The following ABHD18 variants were observed in gnomAD, a reference collection of about 807,000 sequenced individuals.
ABHD18 encodes the protein abhydrolase domain containing 18.
ABHD18 carries 55 observed loss-of-function variants against 65.9 expected under a neutral mutation model. The observed-to-expected ratio is 0.84, with a 90% CI of 0.67 to 1.05. The LOEUF (loss-of-function observed/expected upper bound fraction) is 1.05, where lower values mean the gene tolerates loss of function less well. Ranked by LOEUF, ABHD18 falls within the 50% of genes least tolerant of loss-of-function variation. The pLI is 0.00. For synonymous variants in ABHD18, 181 were observed against 180.2 expected, an observed-to-expected ratio of 1.00 and a Z score of -0.04; for missense variants, 533 against 558.5, an observed-to-expected ratio of 0.95 and a Z score of 0.46.
In ABHD18 at chr4:127,989,805, G is replaced by A. The variant is rs1015238270; in HGVS notation, c.262G>A (p.Glu88Lys). 1 of 1,584,866 alleles carries A rather than the reference G, an allele frequency of 6.3e-7. No individual in the cohort carries two copies. Among genetic ancestry groups the A allele is most frequent in the East Asian group, 2.3e-5 (1 of 44,400 alleles). ...AHYVPDIMPIESVIARFQFIV... is the reference protein window; with the variant it reads ...AHYVPDIMPIKSVIARFQFIV... ...CTATGTGCCTGATATCATGCCAATT[G>A]AATCTGTTATTGCAAGGTAAGAATT... Residue 88 changes from glutamate to lysine, a missense_variant, in exon 4 of 13, where the codon GAA becomes AAA. This residue lies in a region of ABHD18 where 309 missense variants were observed against 313.5 expected (regional missense o/e 0.99). Transcript: ENST00000645843.
chr4:127,974,868 C>T (rs1444988122), intron 1 of ABHD18, among the ~76,000 whole-genome samples: 4 of 151,668 alleles, frequency 2.6e-5, no homozygotes, highest in Admixed American at 6.6e-5. Flanking sequence ...TGGTGGTTGT[C>T]GCCTGTAATC....
intron 4 of ABHD18, among the ~76,000 whole-genome samples, chr4:127,992,661 C>T (rs1210660541): frequency 6.6e-6 from 1 of 152,062 alleles, no homozygotes; most frequent in African/African-American, 2.4e-5. Context: ...ACCTCAGCCT[C>T]CTGAGTAGTT....
rs1156788634 is a variant in ABHD18 at position 127,971,482 on chromosome 4, CTTTTTTTTTTT to C, written c.-18+5894_-18+5904del. On this transcript the variant is annotated intron_variant, in intron 1 of 12. Transcript: ENST00000645843. ...ACTCTCTGAATATGTCCAGAGTTGG[CTTTTTTTTTTT>C]TTTTTTTTTTTTTTTTTGAGACGAT... Among the ~76,000 whole-genome samples, 94 of 51,932 alleles carry C rather than the reference CTTTTTTTTTTT, an allele frequency of 1.8e-3. 1 individual carries two copies. The highest frequency in any genetic ancestry group is 6.1e-3 in the African/African-American group (82 of 13,346). 34.1% of individuals were successfully genotyped at this position (51,932 alleles called of 152,430 possible). A position where few individuals can be genotyped will look rare whatever the true frequency, so the allele number is the denominator to read the frequency against.
At chr4:127,996,423 T>C (rs1199077462) in intron 4 of ABHD18, among the ~76,000 whole-genome samples, 1 of 150,004 alleles carries the variant, frequency 6.7e-6, no homozygotes, top group Non-Finnish European at 1.5e-5. Flanking sequence ...ATCAGCAAGT[T>C]TTTATTAGGG....
chr4:127,982,917 C>A, intron 1 of ABHD18, 22 bp from the exon 2 acceptor site: 2 of 1,253,462 alleles, frequency 1.6e-6, no homozygotes, highest in East Asian at 2.7e-5. Flanking sequence ...ATTTTAAAGC[C>A]ATTTTAAATT....
At position 127,974,203 on chromosome 4, in the gene ABHD18, T is replaced by G. The variant is rs560012953; in HGVS notation, c.-18+8597T>G. On this transcript the variant is annotated intron_variant, in intron 1 of 12. Coordinates refer to ENST00000645843, the MANE Select transcript of ABHD18 (RefSeq NM_001358451.3). ...CTTAAGTTCTGTTTTTTTTTTTTTTTTTTTTTTTTTTTGAGACAGAGTCTT... is the reference window on the plus strand; with the variant it reads ...CTTAAGTTCTGTTTTTTTTTTTTTTGTTTTTTTTTTTTGAGACAGAGTCTT... Among the ~76,000 whole-genome samples the G allele has an allele frequency of 5.5e-4, 80 of 145,306 alleles. 1 individual carries two copies. In the South Asian group the frequency reaches 0.012, roughly 22 times the overall value.
chr4:127,989,489 T>A (rs1750557895), intron 3 of ABHD18, among the ~76,000 whole-genome samples: 1 of 152,206 alleles, frequency 6.6e-6, no homozygotes, highest in Non-Finnish European at 1.5e-5. Flanking sequence ...TACCCTGATT[T>A]GATCATTACA....
chr4:128,021,070 A>G, intron 9 of ABHD18, 67 bp from the exon 10 acceptor site: 2 of 962,220 alleles, frequency 2.1e-6, no homozygotes, highest in Non-Finnish European at 3.1e-6. Flanking sequence ...ACACAGTAAT[A>G]ATAATAAAAG....
At position 128,037,314 on chromosome 4, in the gene ABHD18, A is replaced by C. The variant is rs565575044; in HGVS notation, c.*1501A>C. ...CTGTCTCAAAACAAAACAAAATGCC[A>C]AACTTATTTCTCCCTACTAAAAAGT... On this transcript the variant is annotated 3_prime_UTR_variant, in exon 13 of 13. Transcript: ENST00000645843. 6.6e-6 allele frequency: 1 copy of C among 152,298 alleles called. No homozygotes were observed. The highest frequency in any genetic ancestry group is 2.1e-4 in the South Asian group (1 of 4,822). The allele number at this position is 152,298 out of a possible 1,614,324, so 9.4% of individuals were successfully genotyped here.
chr4:128,002,528 C>T (rs1158417759), intron 4 of ABHD18, among the ~76,000 whole-genome samples: 1 of 151,400 alleles, frequency 6.6e-6, no homozygotes, highest in Admixed American at 6.6e-5. Flanking sequence ...GATCTCCCTG[C>T]CTTGGCCTCC....
intron 3 of ABHD18, among the ~76,000 whole-genome samples, chr4:127,986,418 T>A (rs1579202844): frequency 1.3e-5 from 2 of 152,258 alleles, no homozygotes; most frequent in East Asian, 3.8e-4. Flanking sequence ...TATAGCTAAA[T>A]AATATTCTAT....
At chr4:128,016,351 G>A (rs1755492458) in intron 7 of ABHD18, among the ~76,000 whole-genome samples, 1 of 152,014 alleles carries the variant, frequency 6.6e-6, no homozygotes, top group African/African-American at 2.4e-5. Flanking sequence ...TTATAAAAAT[G>A]TATTTGTTTT....
chr4:127,984,480 A>G, intron 3 of ABHD18, 57 bp downstream of exon 3: 2 of 977,024 alleles, frequency 2.0e-6, no homozygotes, highest in South Asian at 3.4e-5. Context: ...AAATATGTCT[A>G]AGAATAGATT....
chr4:127,966,897 A>C (rs1466946570), intron 1 of ABHD18, among the ~76,000 whole-genome samples: 4 of 151,120 alleles, frequency 2.6e-5, no homozygotes, highest in Middle Eastern at 3.2e-3. Flanking sequence ...AAAAAAAAAA[A>C]AAACCAAAAA....
intron 8 of ABHD18, among the ~76,000 whole-genome samples, chr4:128,018,830 A>G (rs1755966663): frequency 6.6e-6 from 1 of 151,998 alleles, no homozygotes; most frequent in South Asian, 2.1e-4. Flanking sequence ...CCTGACCAAC[A>G]TGGTGAAACC....
chr4:128,003,962 A>T (rs186087496), intron 4 of ABHD18, among the ~76,000 whole-genome samples: 2 of 149,710 alleles, frequency 1.3e-5, no homozygotes, highest in South Asian at 4.2e-4. Context: ...AAAAAAAAAA[A>T]CAAAAAAAAA....
intron 6 of ABHD18, 141 bp downstream of exon 6, chr4:128,009,332 A>G (rs1051823140): frequency 2.5e-4 from 119 of 467,070 alleles, no homozygotes; most frequent in African/African-American, 1.9e-3. Flanking sequence ...AGGAGCAAGA[A>G]TCAAAAGGAG....
rs1758934213 is a variant in ABHD18, at chr4:128,036,981, T to C, written c.*1168T>C. ...AAAGTACAAAAAAATTAGCCGGGCATTGTGGCGTGTGCCTGTAATCCCAGC... is the reference window on the plus strand; with the variant it reads ...AAAGTACAAAAAAATTAGCCGGGCACTGTGGCGTGTGCCTGTAATCCCAGC... On this transcript the variant is annotated 3_prime_UTR_variant, in exon 13 of 13. Transcript: ENST00000645843. The C allele has an allele frequency of 6.6e-6, 1 of 151,638 alleles. No homozygotes were observed. Among genetic ancestry groups the C allele is most frequent in the Admixed American group, 6.6e-5 (1 of 15,194 alleles). The allele number at this position is 151,638 out of a possible 1,614,324, so 9.4% of individuals were successfully genotyped here.
At chr4:128,011,774 C>T in intron 7 of ABHD18, 74 bp downstream of exon 7, 2 of 1,025,910 alleles carry the variant, frequency 1.9e-6, no homozygotes, top group South Asian at 2.1e-5. Flanking sequence ...TGGTTGCCTT[C>T]AGTTAACCAT....
Sources: gnomAD v4.1 joint callset for allele counts (sites outside exome capture counted in the v4.1 genomes callset) on GRCh38, gnomAD v4.1.1 for gene constraint, gnomAD v4.1.1 regional missense constraint, MANE v1.5 for transcripts, NCBI Gene and HGNC (gene_info 2026-07-23, HGNC 2026-07-21) for gene names.